FOXP2: variants seen among roughly 807,000 people sequenced by gnomAD.
FOXP2 encodes the protein forkhead box P2.
In FOXP2, 12 loss-of-function variants were observed where a neutral mutation model predicts 115.8. The observed-to-expected ratio is 0.10, with a 90% CI of 0.07 to 0.17. FOXP2 has a LOEUF of 0.17. FOXP2 is among the 10% of genes least tolerant of loss of function. FOXP2 has a pLI of 1.00. For missense variants in FOXP2, 629 were observed against 843.5 expected (o/e 0.75, Z 3.15); for synonymous variants, 328 against 297.7 (o/e 1.10, Z -1.05).
chr7:114,439,065 T>C (rs538827640), intron 2 of FOXP2, among the ~76,000 whole-genome samples: 1 of 152,310 alleles, frequency 6.6e-6, no homozygotes, highest in Non-Finnish European at 1.5e-5. Flanking sequence ...TACCTTGGTA[T>C]AAATTAATTT....
At chr7:114,439,648 C>T (rs951170698) in intron 2 of FOXP2, among the ~76,000 whole-genome samples, 2 of 152,084 alleles carry the variant, frequency 1.3e-5, no homozygotes, top group African/African-American at 2.4e-5. Flanking sequence ...GGGCTAAAGC[C>T]ATCATCGCAG....
chr7:114,472,348 T>C (rs367590964), intron 2 of FOXP2, among the ~76,000 whole-genome samples: 109 of 150,298 alleles, frequency 7.3e-4, no homozygotes, highest in African/African-American at 2.5e-3. Context: ...ATAAATTCTT[T>C]TTTTTTTTTT....
intron 16 of FOXP2, 132 bp downstream of exon 16, chr7:114,664,568 C>G (rs41281066): frequency 9.4e-7 from 1 of 1,059,576 alleles, no homozygotes; most frequent in Admixed American, 2.2e-5. Context: ...AATTATACCA[C>G]GTTCATAATA....
chr7:114,467,843 G>C (rs1795879028), intron 2 of FOXP2, among the ~76,000 whole-genome samples: 1 of 152,086 alleles, frequency 6.6e-6, no homozygotes, highest in African/African-American at 2.4e-5. Context: ...ATCTGATTTG[G>C]AAGGCCCTTC....
At chr7:114,121,520 A>C (rs921224196) in intron 1 of FOXP2, among the ~76,000 whole-genome samples, 5 of 152,128 alleles carry the variant, frequency 3.3e-5, no homozygotes, top group African/African-American at 4.8e-5. Flanking sequence ...GGATATATGG[A>C]TCTTGAACTG....
upstream of FOXP2, among the ~76,000 whole-genome samples, chr7:114,161,228 T>G (rs983874364): frequency 2.6e-5 from 4 of 152,208 alleles, no homozygotes; most frequent in African/African-American, 9.6e-5. Flanking sequence ...GTTGAATCTT[T>G]AGAAAAGAAA....
intron 1 of FOXP2, among the ~76,000 whole-genome samples, chr7:114,424,475 CCTAT>C (rs1793752757): frequency 6.6e-6 from 1 of 151,324 alleles, no homozygotes; most frequent in Non-Finnish European, 1.5e-5. Context: ...AAAAGTTATG[CCTAT>C]CTGTTTCTAC....
intron 2 of FOXP2, among the ~76,000 whole-genome samples, chr7:114,296,656 T>C (rs1796748118): frequency 3.3e-5 from 5 of 152,174 alleles, no homozygotes; most frequent in Admixed American, 3.3e-4. Context: ...AATGCCGCAA[T>C]AACATATATT....
intron 2 of FOXP2, among the ~76,000 whole-genome samples, chr7:114,346,819 G>T (rs187173550): frequency 6.6e-6 from 1 of 151,920 alleles, no homozygotes; most frequent in Admixed American, 6.6e-5. Flanking sequence ...ATAGAGAGTG[G>T]TTGGTCAAAA....
chr7:114,660,571 G>A (rs949386763), intron 13 of FOXP2, among the ~76,000 whole-genome samples: 5 of 152,106 alleles, frequency 3.3e-5, no homozygotes, highest in African/African-American at 1.2e-4. Context: ...GTGAGACTCA[G>A]AATGCTTTTA....
intron 2 of FOXP2, among the ~76,000 whole-genome samples, chr7:114,496,079 A>T (rs2129248479): frequency 6.6e-6 from 1 of 152,258 alleles, no homozygotes; most frequent in East Asian, 1.9e-4. Context: ...TGAATAGCAA[A>T]AGTGGTGAAT....
At chr7:114,288,233 T>A (rs188877515) in intron 2 of FOXP2, 45 of 388,862 alleles carry the variant, frequency 1.2e-4, no homozygotes, top group Admixed American at 2.7e-4. Flanking sequence ...GAAGTTGTTT[T>A]CAGCGGACAA....
chr7:114,397,889 C>T (rs1792782320), intron 2 of FOXP2, among the ~76,000 whole-genome samples: 1 of 152,122 alleles, frequency 6.6e-6, no homozygotes, highest in African/African-American at 2.4e-5. Flanking sequence ...GAGTGGAGAT[C>T]CAAGTGATCC....
chr7:114,240,899 C>T (rs1473590867), intron 1 of FOXP2, among the ~76,000 whole-genome samples: 1 of 151,884 alleles, frequency 6.6e-6, no homozygotes, highest in African/African-American at 2.4e-5. Flanking sequence ...TTTCTTTCTA[C>T]ATTTAATATT....
At chr7:114,411,494 A>G (rs1218688137), upstream of FOXP2, among the ~76,000 whole-genome samples, 3 of 152,100 alleles carry the variant, frequency 2.0e-5, no homozygotes, top group Admixed American at 2.0e-4. Context: ...GAATAAAGGA[A>G]TTTCACAGTA....
intron 2 of FOXP2, among the ~76,000 whole-genome samples, chr7:114,330,486 A>C (rs911508351): frequency 6.7e-6 from 1 of 149,122 alleles, no homozygotes; most frequent in Non-Finnish European, 1.5e-5. Flanking sequence ...AAAAGTTTAT[A>C]TATATATATA....
chr7:114,150,750 A>C (rs1328021015), intron 1 of FOXP2, among the ~76,000 whole-genome samples: 9 of 151,990 alleles, frequency 5.9e-5, no homozygotes, highest in Non-Finnish European at 1.3e-4. Context: ...GTCACTTTCC[A>C]CTGTTGTGGT....
chr7:114,481,814 ATC>A (rs1796558599), intron 2 of FOXP2, among the ~76,000 whole-genome samples: 1 of 150,918 alleles, frequency 6.6e-6, no homozygotes, highest in Non-Finnish European at 1.5e-5. Flanking sequence ...CTATCTATAT[ATC>A]TATCTATCTA....
intron 3 of FOXP2, among the ~76,000 whole-genome samples, chr7:114,542,253 A>G (rs1799698164): frequency 6.6e-6 from 1 of 152,128 alleles, no homozygotes; most frequent in African/African-American, 2.4e-5. Flanking sequence ...CCATAAGAAC[A>G]CAGAAACTTT....
Sources: allele counts gnomAD v4.1 joint callset (sites outside exome capture counted in the v4.1 genomes callset), GRCh38; gene constraint gnomAD v4.1.1; transcripts MANE v1.5; gene names NCBI Gene and HGNC (gene_info 2026-07-23, HGNC 2026-07-21).